Variants in SLC10A6 observed in about 807,000 individuals in gnomAD.
The protein encoded by SLC10A6 is solute carrier family 10 member 6.
A neutral mutation model predicts 30.0 loss-of-function variants in SLC10A6; 27 were observed. That is an observed-to-expected ratio of 0.90 (90% CI 0.66 to 1.24). The LOEUF (loss-of-function observed/expected upper bound fraction) is 1.24. Ranked by LOEUF, SLC10A6 falls within the 50% of genes most tolerant of loss-of-function variation. The pLI is 0.00. For missense variants in SLC10A6, 439 were observed against 457.0 expected, an observed-to-expected ratio of 0.96 and a Z score of 0.36; for synonymous variants, 166 against 173.8, an observed-to-expected ratio of 0.95 and a Z score of 0.36.
At position 86,823,809 on chromosome 4, in the gene SLC10A6, G is replaced by C. The variant is rs1242676227; in HGVS notation, c.1013C>G (p.Ser338Cys). ...CTCCAAGAAGGCATTGGTCTCTCTG[G>C]AAGAAGTCGATTTCCTCGTATGGCA... is the stretch of plus-strand genomic sequence containing the variant. Reference protein sequence around the residue: ...EVCHTRKSTSSRETNAFLEVN... With the variant: ...EVCHTRKSTSCRETNAFLEVN... Residue 338 changes from serine (S) to cysteine (C), a missense_variant, in exon 6 of 6, where the codon TCC becomes TGC. Coordinates refer to ENST00000273905, the MANE Select transcript of SLC10A6 (RefSeq NM_197965.3). 1 of 1,614,220 alleles carries C rather than the reference G, an allele frequency of 6.2e-7. No homozygotes were observed. The highest frequency in any genetic ancestry group is 8.5e-7 in the Non-Finnish European group (1 of 1,180,032).
At chr4:86,832,590 CAAA>C (rs33997087) in intron 2 of SLC10A6, among the ~76,000 whole-genome samples, 1 of 132,814 alleles carries the variant, frequency 7.5e-6, no homozygotes, top group African/African-American at 2.6e-5. Context: ...AACTCTGTCT[CAAA>C]AAAAAAAAAC....
chr4:86,842,717 GA>G (rs1746311560), intron 1 of SLC10A6, among the ~76,000 whole-genome samples: 1 of 65,384 alleles, frequency 1.5e-5, no homozygotes, highest in Non-Finnish European at 2.8e-5. Flanking sequence ...AAAAAGAAAA[GA>G]AAAGAAAAGA....
intron 1 of SLC10A6, among the ~76,000 whole-genome samples, chr4:86,837,971 G>C (rs1746229315): frequency 6.6e-6 from 1 of 152,180 alleles, no homozygotes; most frequent in Admixed American, 6.5e-5. Flanking sequence ...GGGTCTACAA[G>C]TCATCTGTCA....
intron 1 of SLC10A6, among the ~76,000 whole-genome samples, chr4:86,844,911 T>C (rs1746367280): frequency 1.3e-5 from 2 of 152,062 alleles, no homozygotes; most frequent in Admixed American, 6.6e-5. Flanking sequence ...CAAACACTTA[T>C]AAAACCATCA....
intron 4 of SLC10A6, 146 bp from the exon 5 acceptor site, chr4:86,825,723 A>G (rs1578753215): frequency 7.9e-6 from 7 of 890,784 alleles, no homozygotes; most frequent in Admixed American, 2.9e-5. Flanking sequence ...CTGAGTGCCT[A>G]TTCTGCAGGT....
intron 3 of SLC10A6, among the ~76,000 whole-genome samples, chr4:86,829,405 C>G (rs182152165): frequency 6.6e-6 from 1 of 151,692 alleles, no homozygotes; most frequent in African/African-American, 2.4e-5. Flanking sequence ...AGCAAGACTC[C>G]GTTTAAAAAA....
chr4:86,831,888 G>C lies in SLC10A6; in HGVS notation c.497-8C>G. 1 of 1,610,018 alleles carries C rather than the reference G, an allele frequency of 6.2e-7. No individual in the cohort carries two copies. The highest frequency in any genetic ancestry group is 8.5e-7 in the Non-Finnish European group (1 of 1,177,446). On this transcript the variant is annotated splice_region_variant and splice_polypyrimidine_tract_variant and intron_variant, in intron 2 of 5. Transcript: ENST00000273905. ...GGCACACAAGGGTAATTCCTAAAGAGAAGAAAAATCCATGAGAGGGTTTTC... is the reference window on the plus strand; with the variant it reads ...GGCACACAAGGGTAATTCCTAAAGACAAGAAAAATCCATGAGAGGGTTTTC...
At chr4:86,837,343 A>AAGGCAGGCAGGCAGGCAGGCAGGCAGGC (rs1553899233) in intron 1 of SLC10A6, among the ~76,000 whole-genome samples, 1 of 102,990 alleles carries the variant, frequency 9.7e-6, no homozygotes, top group African/African-American at 4.0e-5. Flanking sequence ...GGAAGGAAGG[A>AAGGCAGGCAGGCAGGCAGGCAGGCAGGC]AGGCAGGCAG....
At chr4:86,832,333 G>A (rs569215978) in intron 2 of SLC10A6, among the ~76,000 whole-genome samples, 2 of 152,198 alleles carry the variant, frequency 1.3e-5, no homozygotes, top group Admixed American at 6.5e-5. Context: ...GGCCAGGCAC[G>A]GTGGCTTACA....
intron 1 of SLC10A6, among the ~76,000 whole-genome samples, chr4:86,838,912 CAAAAAA>C (rs149710895): frequency 2.6e-5 from 2 of 75,944 alleles, no homozygotes; most frequent in African/African-American, 5.1e-5. Context: ...GACAGTGTCT[CAAAAAA>C]AAAAAAAAAA....
At chr4:86,824,290 T>C (rs1745940070) in intron 5 of SLC10A6, among the ~76,000 whole-genome samples, 1 of 152,210 alleles carries the variant, frequency 6.6e-6, no homozygotes, top group Admixed American at 6.5e-5. Flanking sequence ...AAATGATGCT[T>C]GCTTCAGTCT....
intron 3 of SLC10A6, among the ~76,000 whole-genome samples, chr4:86,829,969 T>G (rs1326599849): frequency 2.0e-5 from 3 of 152,226 alleles, no homozygotes; most frequent in Non-Finnish European, 2.9e-5. Flanking sequence ...TAAATGCCCT[T>G]TTAAGAAAAA....
chr4:86,831,614 C>G (rs1232002796), intron 3 of SLC10A6, among the ~76,000 whole-genome samples, 178 bp downstream of exon 3: 1 of 152,156 alleles, frequency 6.6e-6, no homozygotes, highest in Admixed American at 6.5e-5. Context: ...AGTGGCAAAG[C>G]AAGGCTTACA....
intron 1 of SLC10A6, among the ~76,000 whole-genome samples, chr4:86,837,285 A>AAGAAAGAAAGAAAGAAAGAG (rs1173471408): frequency 2.7e-5 from 2 of 74,246 alleles, no homozygotes; most frequent in South Asian, 8.9e-4. Flanking sequence ...GAAAGAAAGA[A>AAGAAAGAAAGAAAGAAAGAG]AAAGAAAGGA....
intron 1 of SLC10A6, among the ~76,000 whole-genome samples, chr4:86,840,485 TACC>T: frequency 6.6e-6 from 1 of 152,336 alleles, no homozygotes; most frequent in African/African-American, 2.4e-5. Flanking sequence ...CTTAAAGACC[TACC>T]CTGATCCGAG....
intron 1 of SLC10A6, among the ~76,000 whole-genome samples, chr4:86,840,614 A>G (rs759049256): frequency 9.2e-5 from 14 of 152,194 alleles, no homozygotes; most frequent in South Asian, 2.1e-4. Context: ...CTATTAATAT[A>G]TTGAGATGCA....
chr4:86,825,349 A>G, intron 5 of SLC10A6, 71 bp downstream of exon 5: 1 of 1,435,102 alleles, frequency 7.0e-7, no homozygotes, highest in Non-Finnish European at 9.5e-7. Flanking sequence ...GTTTGGATTG[A>G]AAAAAAAGTT....
chr4:86,848,572 A>T lies in SLC10A6; in HGVS notation c.377+167T>A, dbSNP rs141803260. Among the ~76,000 whole-genome samples, 1,440 of 152,338 alleles carry T rather than the reference A, an allele frequency of 9.5e-3. 27 individuals are homozygous for T. The highest frequency in any genetic ancestry group is 0.033 in the African/African-American group (1,383 of 41,580). On this transcript the variant is annotated intron_variant, in intron 1 of 5. Transcript: ENST00000273905. ...ATCATCAGCAAAGTAACTTTTGAGC[A>T]CTGAAAGGAAAGCCCACCCATGGCT...
At chr4:86,825,717 G>T in intron 4 of SLC10A6, 140 bp from the exon 5 acceptor site, 2 of 930,308 alleles carry the variant, frequency 2.1e-6, no homozygotes, top group Non-Finnish European at 3.0e-6. Flanking sequence ...TATTTGCTGA[G>T]TGCCTATTCT....
Sources: gnomAD v4.1 joint callset for allele counts (sites outside exome capture counted in the v4.1 genomes callset) on GRCh38, gnomAD v4.1.1 for gene constraint, MANE v1.5 for transcripts, NCBI Gene and HGNC (gene_info 2026-07-23, HGNC 2026-07-21) for gene names.